CEP76: variants seen among roughly 807,000 people sequenced by gnomAD.
CEP76 encodes the protein centrosomal protein of 76 kDa.
Under a neutral mutation model 83.3 loss-of-function variants are expected in CEP76, and 55 were observed. That is an observed-to-expected ratio of 0.66 (90% CI 0.53 to 0.83). CEP76 has a LOEUF of 0.83. Ranked by LOEUF, CEP76 falls within the 40% of genes least tolerant of loss-of-function variation. The pLI is 0.00. For missense variants in CEP76, 694 were observed against 799.5 expected (o/e 0.87, Z 1.59); for synonymous variants, 270 against 274.5 (o/e 0.98, Z 0.16).
At chr18:12,667,888 G>GTTTTTTTTTTTTT (rs2038837654), downstream of CEP76, among the ~76,000 whole-genome samples, 1 of 134,744 alleles carries the variant, frequency 7.4e-6, no homozygotes, top group African/African-American at 2.8e-5. Flanking sequence ...CAAGAAAGCA[G>GTTTTTTTTTTTTT]TAAGGGAGAA....
intron 8 of CEP76, among the ~76,000 whole-genome samples, chr18:12,683,315 G>A (rs759582024): frequency 4.0e-5 from 6 of 151,392 alleles, no homozygotes; most frequent in Non-Finnish European, 7.4e-5. Flanking sequence ...TCGTGACACT[G>A]CACTCCAGCC....
At chr18:12,698,951 T>TA in intron 4 of CEP76, 28 bp downstream of exon 4, 1 of 1,451,980 alleles carries the variant, frequency 6.9e-7, no homozygotes, top group South Asian at 1.2e-5. Context: ...TTTACTCAAT[T>TA]AAATGACAAT....
intron 5 of CEP76, among the ~76,000 whole-genome samples, chr18:12,696,653 C>G (rs1463286104): frequency 6.6e-6 from 1 of 152,008 alleles, no homozygotes; most frequent in Non-Finnish European, 1.5e-5. Flanking sequence ...ATTTTATTAG[C>G]AAGTATGTGT....
At position 12,673,310 on chromosome 18, in the gene CEP76, ACAATGTGTAAAATT is replaced by A; in HGVS notation, c.*41_*54del. The A allele has an allele frequency of 6.4e-7, 1 of 1,559,704 alleles. No homozygotes were observed. Among genetic ancestry groups the A allele is most frequent in the Non-Finnish European group, 8.6e-7 (1 of 1,161,056 alleles). On this transcript the variant is annotated 3_prime_UTR_variant, in exon 12 of 12. Coordinates refer to ENST00000262127, the MANE Select transcript of CEP76 (RefSeq NM_024899.4). ...AAACCTCTAAATAGCTAAGTAATGT[ACAATGTGTAAAATT>A]CCAATTAAACACAGGTATAAATCTT...
At chr18:12,689,914 G>C (rs2039689151) in intron 7 of CEP76, among the ~76,000 whole-genome samples, 1 of 152,082 alleles carries the variant, frequency 6.6e-6, no homozygotes, top group Non-Finnish European at 1.5e-5. Context: ...TCAGCCTCCT[G>C]ACTAACTGGG....
chr18:12,697,404 A>G lies in CEP76; in HGVS notation c.525T>C (p.Asp175=). The part of the protein sequence containing the change: ...LLEVHRESLG[D]GTRMADSTTM... ...TTGTTGAATCAGCCATTCTAGTTCC[A>G]TCACCTAGCAATATAATCCAAACGA... Residue 175 remains aspartate (D), a synonymous_variant, in exon 5 of 12, where the codon GAT becomes GAC. Coordinates refer to ENST00000262127, the MANE Select transcript of CEP76 (RefSeq NM_024899.4). 3 of 1,604,900 alleles carry G rather than the reference A, an allele frequency of 1.9e-6. 1 individual carries two copies. In the South Asian group the frequency reaches 3.3e-5, roughly 18 times the overall value.
chr18:12,680,396 G>A (rs2039302944), intron 9 of CEP76, among the ~76,000 whole-genome samples: 1 of 151,732 alleles, frequency 6.6e-6, no homozygotes, highest in East Asian at 1.9e-4. Context: ...AGGAGTTCGA[G>A]ACCAGCCTGG....
chr18:12,697,156 T>C, intron 5 of CEP76, 67 bp downstream of exon 5: 1 of 1,152,700 alleles, frequency 8.7e-7, no homozygotes, highest in Non-Finnish European at 1.2e-6. Context: ...ATTTTAAAGA[T>C]ATAAAATATA....
At chr18:12,678,016 G>C (rs1408771217) in intron 10 of CEP76, 93 bp downstream of exon 10, 21 of 934,058 alleles carry the variant, frequency 2.2e-5, no homozygotes, top group Non-Finnish European at 3.3e-5. Context: ...TTCAGGGCTA[G>C]AATAGTGACT....
intron 5 of CEP76, among the ~76,000 whole-genome samples, chr18:12,696,331 C>T (rs1049682366): frequency 3.3e-5 from 5 of 151,952 alleles, no homozygotes; most frequent in African/African-American, 1.2e-4. Flanking sequence ...GGTGAAACCC[C>T]ATCTCTACTA....
chr18:12,694,494 A>G (rs1242040516), intron 6 of CEP76, among the ~76,000 whole-genome samples: 1 of 152,246 alleles, frequency 6.6e-6, no homozygotes, highest in Non-Finnish European at 1.5e-5. Flanking sequence ...AGACCCAGGA[A>G]GAAAGTAATT....
At chr18:12,702,356 T>C in intron 1 of CEP76, 130 bp downstream of exon 1, 1 of 694,270 alleles carries the variant, frequency 1.4e-6, no homozygotes, top group Non-Finnish European at 2.5e-6. Flanking sequence ...CTGCCTACTC[T>C]GCGTTGCGCA....
intron 7 of CEP76, among the ~76,000 whole-genome samples, chr18:12,690,507 CTGCAGTGG>C (rs2039715355): frequency 6.6e-6 from 1 of 151,726 alleles, no homozygotes; most frequent in Non-Finnish European, 1.5e-5. Flanking sequence ...CCAGGCCGGA[CTGCAGTGG>C]TGCGATCTCG....
chr18:12,697,457 G>A, intron 4 of CEP76, 49 bp from the exon 5 acceptor site: 3 of 1,220,446 alleles, frequency 2.5e-6, no homozygotes, highest in Non-Finnish European at 3.4e-6. Context: ...TATTCAGTTA[G>A]GCCAACATAA....
intron 12 of CEP76, among the ~76,000 whole-genome samples, chr18:12,663,986 G>A (rs1175020870): frequency 1.3e-5 from 2 of 152,180 alleles, no homozygotes; most frequent in African/African-American, 4.8e-5. Context: ...CCAACATGGA[G>A]AAACCCTGTC....
chr18:12,664,723 G>T (rs1211837735), intron 12 of CEP76, among the ~76,000 whole-genome samples: 2 of 150,258 alleles, frequency 1.3e-5, no homozygotes, highest in Non-Finnish European at 3.0e-5. Context: ...TTTTAAGACG[G>T]GGTCTTGCTC....
intron 10 of CEP76, among the ~76,000 whole-genome samples, chr18:12,675,994 G>C (rs1188370209): frequency 6.6e-6 from 1 of 151,836 alleles, no homozygotes; most frequent in East Asian, 1.9e-4. Context: ...AACACCAAAA[G>C]ACCTATTGAT....
At chr18:12,683,495 G>T (rs1167884878) in intron 8 of CEP76, among the ~76,000 whole-genome samples, 1 of 151,514 alleles carries the variant, frequency 6.6e-6, no homozygotes, top group Non-Finnish European at 1.5e-5. Context: ...TTAAAAAACG[G>T]AAATCAGCAC....
chr18:12,697,463 C>T, intron 4 of CEP76, 55 bp from the exon 5 acceptor site: 2 of 1,147,832 alleles, frequency 1.7e-6, no homozygotes, highest in Non-Finnish European at 2.5e-6. Flanking sequence ...GTTAGGCCAA[C>T]ATAAAAGAAT....
Sources: gnomAD v4.1 joint callset for allele counts (sites outside exome capture counted in the v4.1 genomes callset) on GRCh38, gnomAD v4.1.1 for gene constraint, MANE v1.5 for transcripts, NCBI Gene and HGNC (gene_info 2026-07-23, HGNC 2026-07-21) for gene names.